NFIB: variants seen among roughly 807,000 people sequenced by gnomAD.
The protein encoded by NFIB is nuclear factor 1 B-type.
In NFIB, 11 loss-of-function variants were observed where a neutral mutation model predicts 61.5. That is an observed-to-expected ratio of 0.18 (90% CI 0.11 to 0.30). NFIB has a LOEUF of 0.30. Ranked by LOEUF, NFIB falls within the 10% of genes least tolerant of loss-of-function variation. NFIB has a pLI of 1.00. For synonymous variants in NFIB, 260 were observed against 216.5 expected (o/e 1.20, Z -1.76); for missense variants, 471 against 608.9 (o/e 0.77, Z 2.38).
the NFIB span, among the ~76,000 whole-genome samples, chr9:14,446,476 T>A: frequency 6.6e-6 from 1 of 152,140 alleles, no homozygotes; most frequent in Non-Finnish European, 1.5e-5. Flanking sequence ...TTTCTACAGA[T>A]CTCTTTTACA....
chr9:14,496,087 A>C, the NFIB span, among the ~76,000 whole-genome samples: 1 of 152,234 alleles, frequency 6.6e-6, no homozygotes, highest in Admixed American at 6.5e-5. Context: ...CGTGGCAAGT[A>C]GTAAGCACTC....
At chr9:14,179,352 T>C (rs1283827385) in intron 3 of NFIB, among the ~76,000 whole-genome samples, 1 of 152,160 alleles carries the variant, frequency 6.6e-6, no homozygotes, top group Non-Finnish European at 1.5e-5. Flanking sequence ...TAATGAGAGT[T>C]GATAAACTAT....
the NFIB span, among the ~76,000 whole-genome samples, chr9:14,451,038 T>A: frequency 2.0e-5 from 3 of 152,200 alleles, no homozygotes; most frequent in South Asian, 6.2e-4. Context: ...GAGCAGGGAT[T>A]TTGGTCCAGG....
chr9:14,404,167 T>C, the NFIB span, among the ~76,000 whole-genome samples: 1 of 152,204 alleles, frequency 6.6e-6, no homozygotes, highest in Non-Finnish European at 1.5e-5. Flanking sequence ...GTGGTCCATC[T>C]ATCTAATATT....
intron 2 of NFIB, among the ~76,000 whole-genome samples, chr9:14,268,166 A>C (rs1472933629): frequency 5.9e-5 from 9 of 152,074 alleles, no homozygotes; most frequent in Admixed American, 5.2e-4. Flanking sequence ...AATATGGAGA[A>C]GACAAAGATA....
the NFIB span, among the ~76,000 whole-genome samples, chr9:14,411,741 G>A: frequency 8.3e-4 from 127 of 152,222 alleles, no homozygotes; most frequent in Admixed American, 4.6e-3. Context: ...CCCCATCCTG[G>A]TATTTATGCC....
chr9:14,409,068 G>T, the NFIB span, among the ~76,000 whole-genome samples: 3 of 152,126 alleles, frequency 2.0e-5, no homozygotes, highest in Non-Finnish European at 2.9e-5. Flanking sequence ...TTAAAAACTG[G>T]TTCTGTGGTG....
the NFIB span, among the ~76,000 whole-genome samples, chr9:14,447,546 T>C: frequency 6.6e-6 from 1 of 152,218 alleles, no homozygotes; most frequent in African/African-American, 2.4e-5. Flanking sequence ...ACTGTGGCTA[T>C]AAGTTCTCAG....
At chr9:14,378,321 C>T (rs1310604442) in intron 1 of NFIB, among the ~76,000 whole-genome samples, 1 of 152,122 alleles carries the variant, frequency 6.6e-6, no homozygotes, top group African/African-American at 2.4e-5. Flanking sequence ...ATTATTTTCA[C>T]ATCCCTCCTT....
chr9:14,155,697 A>G lies in NFIB; in HGVS notation c.685+128T>C, dbSNP rs544430026. The stretch of plus-strand genomic sequence containing the variant: ...AGCAAAATATATTGTTATTTCATCA[A>G]AGGTTTTAAGATTTTAATTCAAATT... On this transcript the variant is annotated intron_variant, in intron 4 of 10. Coordinates refer to ENST00000380953, the MANE Select transcript of NFIB (RefSeq NM_001190737.2). The G allele has an allele frequency of 2.0e-4, 97 of 487,756 alleles. 2 individuals are homozygous for G. The highest frequency in any genetic ancestry group is 1.9e-3 in the African/African-American group (86 of 44,874). 30.2% of individuals were successfully genotyped at this position (487,756 alleles called of 1,614,324 possible). A position where few individuals can be genotyped will look rare whatever the true frequency, so the allele number is the denominator to read the frequency against.
intron 2 of NFIB, among the ~76,000 whole-genome samples, chr9:14,200,546 C>CTT (rs1190326828): frequency 2.0e-5 from 3 of 152,148 alleles, no homozygotes; most frequent in African/African-American, 7.2e-5. Context: ...CACGACTTGA[C>CTT]TTTCCCAGAC....
In NFIB at chr9:14,086,521, A is replaced by T. The variant is rs956695800; in HGVS notation, c.*1788T>A. 2 of 204,150 alleles carry T rather than the reference A, an allele frequency of 9.8e-6. No individual in the cohort carries two copies. 12.6% of individuals were successfully genotyped at this position (204,150 alleles called of 1,614,324 possible). On this transcript the variant is annotated 3_prime_UTR_variant, in exon 11 of 11. Transcript: ENST00000380953. ...CCAAATATTAATTGGAAGATGAAAA[A>T]CATGAAAGGTTAATAGAAAAAAACA...
At chr9:14,490,013 C>T in the NFIB span, among the ~76,000 whole-genome samples, 1 of 151,996 alleles carries the variant, frequency 6.6e-6, no homozygotes. Context: ...AGCCTCTGGG[C>T]GTATTTGAGA....
the NFIB span, among the ~76,000 whole-genome samples, chr9:14,530,151 G>A: frequency 7.2e-5 from 11 of 152,024 alleles, no homozygotes; most frequent in East Asian, 9.6e-4. Flanking sequence ...TTAGAACAAC[G>A]TAAAATGACA....
intron 1 of NFIB, among the ~76,000 whole-genome samples, chr9:14,392,299 T>A (rs10961499): frequency 6.6e-6 from 1 of 152,206 alleles, no homozygotes; most frequent in African/African-American, 2.4e-5. Context: ...TCTATCAACA[T>A]TGGTTTCTGA....
At chr9:14,101,098 T>C (rs964104841) in intron 10 of NFIB, among the ~76,000 whole-genome samples, 4 of 152,240 alleles carry the variant, frequency 2.6e-5, no homozygotes, top group African/African-American at 9.6e-5. Context: ...TTCAGAATAT[T>C]TTAATGAGAT....
intron 1 of NFIB, among the ~76,000 whole-genome samples, chr9:14,311,625 T>A (rs1255496703): frequency 6.6e-6 from 1 of 152,210 alleles, no homozygotes; most frequent in Non-Finnish European, 1.5e-5. Context: ...CAACATTCCC[T>A]GTCTCAATGC....
chr9:14,309,001 A>C (rs2060160214), intron 1 of NFIB, among the ~76,000 whole-genome samples: 1 of 152,218 alleles, frequency 6.6e-6, no homozygotes, highest in Non-Finnish European at 1.5e-5. Context: ...GCAATAAGCC[A>C]AGATTTGAAG....
Position 14,313,436 on chromosome 9 carries a change from A to T in NFIB, c.30+46T>A. 6.2e-7 allele frequency: 1 copy of T among 1,613,340 alleles called. No individual in the cohort carries two copies. Among genetic ancestry groups the T allele is most frequent in the African/African-American group, 1.3e-5 (1 of 75,044 alleles). On this transcript the variant is annotated intron_variant, in intron 1 of 10. Transcript: ENST00000380953. This position sits in a 1 kb window ranked among gnomAD's most constrained non-coding sequence, Gnocchi z 4.5. ...GTCCGCAACAAAACAAAACAAAGGCATTTCGGGCCAGAGAGAAAGCTCGAG... is the reference window on the plus strand; with the variant it reads ...GTCCGCAACAAAACAAAACAAAGGCTTTTCGGGCCAGAGAGAAAGCTCGAG...
Sources: allele counts gnomAD v4.1 joint callset (sites outside exome capture counted in the v4.1 genomes callset), GRCh38; gene constraint gnomAD v4.1.1; non-coding constraint Gnocchi (gnomAD v3.1); transcripts MANE v1.5; gene names NCBI Gene and HGNC (gene_info 2026-07-23, HGNC 2026-07-21).